Variants in SNX29 observed in about 807,000 individuals in gnomAD.
SNX29 encodes sorting nexin-29.
SNX29 carries 78 observed loss-of-function variants against 102.1 expected under a neutral mutation model. The ratio of observed to expected loss-of-function variants is 0.76; its 90% CI spans 0.64 to 0.92. SNX29 has a LOEUF of 0.92. SNX29 is among the 40% of genes least tolerant of loss of function. The probability of loss-of-function intolerance (pLI) is 0.00; values close to 1 mark genes in which losing one functional copy is unlikely to be tolerated. For missense variants in SNX29, 1,280 were observed against 1,061.7 expected (o/e 1.21, Z -2.86); for synonymous variants, 580 against 414.5 (o/e 1.40, Z -4.85).
chr16:12,364,632 G>T (rs924057315), intron 16 of SNX29, among the ~76,000 whole-genome samples: 8 of 152,160 alleles, frequency 5.3e-5, no homozygotes, highest in African/African-American at 1.9e-4. Flanking sequence ...ACAGCGCGGT[G>T]AAAGCTAAAG....
intron 11 of SNX29, among the ~76,000 whole-genome samples, chr16:12,110,858 C>A (rs1596924608): frequency 1.3e-5 from 2 of 151,400 alleles, no homozygotes; most frequent in African/African-American, 4.9e-5. Flanking sequence ...GGGTCTTGCT[C>A]TGTTGCCCAG....
chr16:12,123,478 C>T (rs1367191232), intron 11 of SNX29, among the ~76,000 whole-genome samples: 9 of 152,192 alleles, frequency 5.9e-5, no homozygotes, highest in Middle Eastern at 3.4e-3. Context: ...TATACATATA[C>T]ATCATATACA....
At chr16:12,537,297 G>A (rs1198607185) in intron 20 of SNX29, among the ~76,000 whole-genome samples, 1 of 152,188 alleles carries the variant, frequency 6.6e-6, no homozygotes, top group South Asian at 2.1e-4. Context: ...GTACATGTTT[G>A]GATTTTAGTA....
intron 8 of SNX29, among the ~76,000 whole-genome samples, chr16:12,053,523 T>C (rs171222): frequency 0.71 from 108,255 of 151,824 alleles, 39,356 homozygotes; most frequent in African/African-American, 0.83. Context: ...AGCAAGACTC[T>C]GTCTCTACAA....
chr16:12,248,628 C>G (rs1314231330), intron 14 of SNX29, among the ~76,000 whole-genome samples: 1 of 151,952 alleles, frequency 6.6e-6, no homozygotes, highest in Non-Finnish European at 1.5e-5. Flanking sequence ...ATTGGCCAGG[C>G]TGGTCTTGAA....
At chr16:12,197,980 A>C (rs940721038) in intron 13 of SNX29, among the ~76,000 whole-genome samples, 3 of 152,126 alleles carry the variant, frequency 2.0e-5, no homozygotes. Context: ...GAGCAGTCTC[A>C]AGTTTTTCAA....
At chr16:11,982,423 G>GTTTTTTTTTTTTTTTTTT (rs60761477) in intron 1 of SNX29, among the ~76,000 whole-genome samples, 9 of 120,354 alleles carry the variant, frequency 7.5e-5, no homozygotes, top group African/African-American at 9.1e-5. Context: ...CTTTCCATCA[G>GTTTTTTTTTTTTTTTTTT]TTTTTTTTTT....
chr16:12,430,710 TTTG>T lies in SNX29; in HGVS notation c.2037+27186_2037+27188del, dbSNP rs1305662252. 2.0e-5 allele frequency among the ~76,000 whole-genome samples: 3 copies of T among 152,210 alleles called. No homozygotes were observed. In the East Asian group the frequency reaches 5.8e-4, roughly 29 times the overall value. ...TATTGTTATGACTGTTACTATTACT[TTTG>T]TTGTCCTCATTGTTCTTATCCATGC... On this transcript the variant is annotated intron_variant, in intron 18 of 20. Transcript: ENST00000566228.
intron 8 of SNX29, among the ~76,000 whole-genome samples, chr16:12,060,577 T>C (rs916321658): frequency 1.3e-5 from 2 of 152,196 alleles, no homozygotes; most frequent in Admixed American, 6.5e-5. Flanking sequence ...TACTCCAGTG[T>C]GGACAACAGA....
intron 18 of SNX29, among the ~76,000 whole-genome samples, chr16:12,462,176 G>A (rs1018627857): frequency 8.6e-5 from 13 of 151,244 alleles, no homozygotes; most frequent in African/African-American, 1.5e-4. Context: ...AGTCCCCAGC[G>A]AGCTCTCAGT....
intron 13 of SNX29, among the ~76,000 whole-genome samples, chr16:12,132,023 A>C (rs2054488398): frequency 6.6e-6 from 1 of 152,040 alleles, no homozygotes; most frequent in African/African-American, 2.4e-5. Flanking sequence ...AATTGCATTT[A>C]ATGTTCACAA....
intron 15 of SNX29, among the ~76,000 whole-genome samples, chr16:12,322,008 G>A (rs1340142665): frequency 6.6e-6 from 1 of 152,182 alleles, no homozygotes; most frequent in African/African-American, 2.4e-5. Flanking sequence ...AGGTAAGGGG[G>A]GATTCCAGAG....
Position 12,102,737 on chromosome 16 carries a change from AG to A in SNX29, c.1402+23825del, listed in dbSNP as rs369699213. Among the ~76,000 whole-genome samples the A allele has an allele frequency of 5.6e-3, 851 of 152,344 alleles. 3 individuals are homozygous for A. The highest frequency in any genetic ancestry group is 0.014 in the Middle Eastern group (4 of 294). On this transcript the variant is annotated intron_variant, in intron 11 of 20. Coordinates refer to ENST00000566228, the MANE Select transcript of SNX29 (RefSeq NM_032167.5). The stretch of plus-strand genomic sequence containing the variant: ...GCAATCAGGCAAGAAAAAGAAATAA[AG>A]GGTATTCAGATAGGAAGAGTAGAAG...
chr16:12,421,071 A>G (rs1369516586), intron 18 of SNX29, among the ~76,000 whole-genome samples: 1 of 152,190 alleles, frequency 6.6e-6, no homozygotes, highest in Non-Finnish European at 1.5e-5. Flanking sequence ...CATTTTACAG[A>G]TAAGGAAACT....
In SNX29 at chr16:12,087,929, A is replaced by G. The variant is rs1215951673; in HGVS notation, c.1402+9014A>G. 3 of 456,674 alleles carry G rather than the reference A, an allele frequency of 6.6e-6. No individual in the cohort carries two copies. In the East Asian group the frequency reaches 2.1e-4, roughly 32 times the overall value. 28.3% of individuals were successfully genotyped at this position (456,674 alleles called of 1,614,324 possible). A position where few individuals can be genotyped will look rare whatever the true frequency, so the allele number is the denominator to read the frequency against. On this transcript the variant is annotated intron_variant, in intron 11 of 20. Coordinates refer to ENST00000566228, the MANE Select transcript of SNX29 (RefSeq NM_032167.5). ...CTGGTGGAGCTGCTGCCGCCTCTGC[A>G]ATACGCTTTTGAAGGAGGACCTGTT...
At chr16:12,217,301 T>G (rs536645965) in intron 14 of SNX29, among the ~76,000 whole-genome samples, 1 of 152,360 alleles carries the variant, frequency 6.6e-6, no homozygotes, top group Non-Finnish European at 1.5e-5. Flanking sequence ...ATTATAGGCG[T>G]GAGCCACCAT....
chr16:12,069,940 A>G (rs1357848531), intron 10 of SNX29, among the ~76,000 whole-genome samples: 1 of 142,226 alleles, frequency 7.0e-6, no homozygotes, highest in Non-Finnish European at 1.5e-5. Context: ...GGCCTCCCAA[A>G]GTGCTGGGAT....
intron 16 of SNX29, among the ~76,000 whole-genome samples, chr16:12,357,270 C>T (rs1331508551): frequency 1.3e-5 from 2 of 152,164 alleles, no homozygotes; most frequent in African/African-American, 4.8e-5. Flanking sequence ...GCTTCCTCCT[C>T]CTATATCATT....
At chr16:12,430,822 C>T (rs1431286795) in intron 18 of SNX29, among the ~76,000 whole-genome samples, 2 of 150,884 alleles carry the variant, frequency 1.3e-5, no homozygotes, top group African/African-American at 4.9e-5. Flanking sequence ...GTCATAAAAG[C>T]TTCCAGGAGG....
Sources: allele counts gnomAD v4.1 joint callset (sites outside exome capture counted in the v4.1 genomes callset), GRCh38; gene constraint gnomAD v4.1.1; transcripts MANE v1.5; gene names NCBI Gene and HGNC (gene_info 2026-07-23, HGNC 2026-07-21).